Variants in CDH13 observed in about 807,000 individuals in gnomAD.
The protein encoded by CDH13 is cadherin-13.
CDH13 carries 24 observed loss-of-function variants against 63.8 expected under a neutral mutation model. The observed-to-expected ratio is 0.38, with a 90% CI of 0.27 to 0.53. The LOEUF (loss-of-function observed/expected upper bound fraction) is 0.53. Ranked by LOEUF, CDH13 falls within the 20% of genes least tolerant of loss-of-function variation. The probability of loss-of-function intolerance (pLI) is 0.85; values close to 1 mark genes in which losing one functional copy is unlikely to be tolerated. For missense variants in CDH13, 1,049 were observed against 903.1 expected, an observed-to-expected ratio of 1.16 and a Z score of -2.07; for synonymous variants, 503 against 355.3, an observed-to-expected ratio of 1.42 and a Z score of -4.67.
intron 1 of CDH13, among the ~76,000 whole-genome samples, chr16:82,693,831 C>T (rs980971903): frequency 6.6e-6 from 1 of 152,108 alleles, no homozygotes; most frequent in Non-Finnish European, 1.5e-5. Context: ...TCATGAGGTC[C>T]CCATTAAAAT....
chr16:83,631,910 A>T (rs1161645758), intron 8 of CDH13, among the ~76,000 whole-genome samples: 2 of 152,224 alleles, frequency 1.3e-5, no homozygotes, highest in African/African-American at 4.8e-5. Context: ...CCCTGAAGAC[A>T]TTCAAGAAGT....
intron 2 of CDH13, among the ~76,000 whole-genome samples, chr16:82,967,278 T>C (rs1907986208): frequency 6.6e-6 from 1 of 152,124 alleles, no homozygotes; most frequent in African/African-American, 2.4e-5. Flanking sequence ...TTTTAGGTGA[T>C]TCTCTTTCCT....
intron 5 of CDH13, among the ~76,000 whole-genome samples, chr16:83,278,162 G>A (rs762786064): frequency 3.9e-5 from 6 of 152,144 alleles, no homozygotes; most frequent in Non-Finnish European, 7.4e-5. Context: ...CAAATTTGCA[G>A]TTATTCAATT....
intron 4 of CDH13, among the ~76,000 whole-genome samples, chr16:83,153,011 T>C (rs551665325): frequency 6.6e-6 from 1 of 152,284 alleles, no homozygotes; most frequent in East Asian, 1.9e-4. Flanking sequence ...CGTAACCGCT[T>C]AGTGGGTTCA....
At chr16:83,245,564 A>C (rs1904906429) in intron 5 of CDH13, among the ~76,000 whole-genome samples, 1 of 152,218 alleles carries the variant, frequency 6.6e-6, no homozygotes, top group East Asian at 1.9e-4. Flanking sequence ...ACACACCTGT[A>C]GTGAAGGGGT....
Position 83,054,336 on chromosome 16 carries a change from A to G in CDH13, c.366+22118A>G, listed in dbSNP as rs550522761. Among the ~76,000 whole-genome samples, 9 of 152,344 alleles carry G rather than the reference A, an allele frequency of 5.9e-5. No individual in the cohort carries two copies. The South Asian group carries it at 1.9e-3, about 32-fold the overall frequency. On this transcript the variant is annotated intron_variant, in intron 3 of 13. Transcript: ENST00000567109. ...AAACAATAACGAATAGTAAAATAGA[A>G]CAATTACAGTAATATGCCAGCATCA...
intron 7 of CDH13, among the ~76,000 whole-genome samples, chr16:83,498,012 G>A (rs2074188400): frequency 6.6e-6 from 1 of 152,168 alleles, no homozygotes; most frequent in Admixed American, 6.5e-5. Context: ...CAGACACTTG[G>A]TAATTAAATC....
intron 1 of CDH13, among the ~76,000 whole-genome samples, chr16:82,639,760 G>A (rs555330635): frequency 6.6e-6 from 1 of 152,316 alleles, no homozygotes; most frequent in Admixed American, 6.5e-5. Flanking sequence ...GCAAACATGT[G>A]TTGAGTGCTT....
chr16:83,066,877 A>C, intron 3 of CDH13, among the ~76,000 whole-genome samples: 1 of 152,222 alleles, frequency 6.6e-6, no homozygotes, highest in Admixed American at 6.5e-5. Context: ...AGTGTTGGTT[A>C]GAGTGAGTGC....
intron 7 of CDH13, among the ~76,000 whole-genome samples, chr16:83,498,879 A>C (rs1377701893): frequency 6.6e-6 from 1 of 152,226 alleles, no homozygotes; most frequent in Non-Finnish European, 1.5e-5. Context: ...TTTCCAGGTT[A>C]CTGAGCCCAG....
chr16:83,371,958 C>G (rs1451456977), intron 6 of CDH13, among the ~76,000 whole-genome samples: 1 of 152,196 alleles, frequency 6.6e-6, no homozygotes, highest in Non-Finnish European at 1.5e-5. Context: ...ACCGTATATA[C>G]AGATATATAG....
intron 1 of CDH13, among the ~76,000 whole-genome samples, chr16:82,817,766 C>G (rs778325288): frequency 2.8e-4 from 43 of 152,128 alleles, no homozygotes; most frequent in Non-Finnish European, 4.9e-4. Context: ...AGTCACACCA[C>G]TGCACTTCAG....
At chr16:83,145,231 A>C (rs2036700370) in intron 4 of CDH13, among the ~76,000 whole-genome samples, 1 of 152,180 alleles carries the variant, frequency 6.6e-6, no homozygotes, top group Non-Finnish European at 1.5e-5. Flanking sequence ...TTGGTCGCTG[A>C]CAAACTCGGA....
At chr16:83,509,562 T>G (rs1378693099) in intron 7 of CDH13, among the ~76,000 whole-genome samples, 11 of 152,166 alleles carry the variant, frequency 7.2e-5, no homozygotes, top group Non-Finnish European at 1.6e-4. Flanking sequence ...CCATTAGCTG[T>G]GGTTTGCTGA....
intron 6 of CDH13, among the ~76,000 whole-genome samples, chr16:83,431,106 T>A: frequency 6.6e-6 from 1 of 151,968 alleles, no homozygotes; most frequent in Non-Finnish European, 1.5e-5. Context: ...CTGAGAATGA[T>A]GATTTCCAGT....
At chr16:82,962,683 C>A (rs540290039) in intron 2 of CDH13, among the ~76,000 whole-genome samples, 2 of 152,292 alleles carry the variant, frequency 1.3e-5, no homozygotes, top group South Asian at 4.2e-4. Context: ...CCAAGCAACA[C>A]ATCCAGTGAT....
chr16:83,334,540 T>A (rs573682532), intron 5 of CDH13, among the ~76,000 whole-genome samples: 516 of 13,758 alleles, frequency 0.038, 3 homozygotes, highest in African/African-American at 0.054. Context: ...CCTGGCTAGT[T>A]TAAAAAAAAA....
chr16:82,648,638 C>T (rs1428589652), intron 1 of CDH13, among the ~76,000 whole-genome samples: 2 of 152,168 alleles, frequency 1.3e-5, no homozygotes, highest in South Asian at 2.1e-4. Context: ...TTATCAAAAT[C>T]CTAACTGCAA....
At chr16:83,018,512 G>C (rs925042855) in intron 2 of CDH13, among the ~76,000 whole-genome samples, 1 of 152,138 alleles carries the variant, frequency 6.6e-6, no homozygotes, top group African/African-American at 2.4e-5. Context: ...AGTCATATAG[G>C]TTCCACTTGA....
Sources: gnomAD v4.1 joint callset for allele counts (sites outside exome capture counted in the v4.1 genomes callset) on GRCh38, gnomAD v4.1.1 for gene constraint, MANE v1.5 for transcripts, NCBI Gene and HGNC (gene_info 2026-07-23, HGNC 2026-07-21) for gene names.